LAMB4: variants seen among roughly 807,000 people sequenced by gnomAD.
The protein encoded by LAMB4 is laminin subunit beta 4.
Under a neutral mutation model 199.2 loss-of-function variants are expected in LAMB4, and 196 were observed. That is an observed-to-expected ratio of 0.98 (90% confidence interval 0.88 to 1.11). LAMB4 has a LOEUF of 1.11. Ranked by LOEUF, LAMB4 falls within the 50% of genes least tolerant of loss-of-function variation. The pLI, the probability that LAMB4 is intolerant of heterozygous loss-of-function variation, is 0.00. For synonymous variants in LAMB4, 744 were observed against 770.6 expected, an observed-to-expected ratio of 0.97 and a Z score of 0.57; for missense variants, 2,080 against 2,171.2, an observed-to-expected ratio of 0.96 and a Z score of 0.83.
intron 14 of LAMB4, among the ~76,000 whole-genome samples, chr7:108,089,376 A>G (rs570908536): frequency 9.2e-5 from 14 of 152,334 alleles, no homozygotes; most frequent in African/African-American, 3.4e-4. Context: ...TCCCTGCTGT[A>G]CCTGTGACTA....
chr7:108,081,917 T>C (rs955514343), intron 14 of LAMB4, among the ~76,000 whole-genome samples: 4 of 152,132 alleles, frequency 2.6e-5, no homozygotes, highest in Admixed American at 1.3e-4. Context: ...CAATCACCAA[T>C]GTAAAGCAAA....
At chr7:108,083,669 C>A (rs2037045806) in intron 14 of LAMB4, among the ~76,000 whole-genome samples, 2 of 152,188 alleles carry the variant, frequency 1.3e-5, no homozygotes, top group South Asian at 4.1e-4. Context: ...AGGAGATGGG[C>A]CAGCGTTCTT....
At chr7:108,073,066 C>T (rs2036586317) in intron 17 of LAMB4, among the ~76,000 whole-genome samples, 1 of 152,212 alleles carries the variant, frequency 6.6e-6, no homozygotes, top group African/African-American at 2.4e-5. Context: ...AGTACAGTGG[C>T]ACGATCTCAG....
Position 108,029,061 on chromosome 7 carries a change from T to C in LAMB4, c.5128A>G (p.Lys1710Glu), listed in dbSNP as rs769315160. Residue 1710 changes from lysine (K) to glutamate (E), a missense_variant, in exon 33 of 34, where the codon AAG (lysine) becomes GAG (glutamate). Transcript: ENST00000388781. Reference protein sequence around the residue: ...AEKLAGDTEAKIRRITDLERK... With the variant: ...AEKLAGDTEAEIRRITDLERK... ...CAGATACCTGTTATTCTTCTTATCT[T>C]GGCCTCTGTATCTCCAGCCAATTTT... 1.1e-5 allele frequency: 17 copies of C among 1,613,760 alleles called. No homozygotes were observed. The highest frequency in any genetic ancestry group is 1.4e-5 in the Non-Finnish European group (16 of 1,179,918).
chr7:108,077,024 C>T lies in LAMB4; in HGVS notation c.2044G>A (p.Val682Ile), dbSNP rs1293745449. Residue 682 changes from valine to isoleucine, a missense_variant, in exon 17 of 34, where the codon GTA (valine) becomes ATA (isoleucine). By Grantham distance (29) the Val-to-Ile change is conservative. Transcript: ENST00000388781. Reference sequence around the variant, plus strand: ...AAATAGACATCTATGGAATATTGTACATCTGGTTCTAAACAGATGGGTGTG... The same window carrying T: ...AAATAGACATCTATGGAATATTGTATATCTGGTTCTAAACAGATGGGTGTG... Reference protein sequence around the residue: ...LPTPICLEPDVQYSIDVYFSQ... With the variant: ...LPTPICLEPDIQYSIDVYFSQ... 7.4e-6 allele frequency: 12 copies of T among 1,613,992 alleles called. No individual in the cohort carries two copies. Among genetic ancestry groups the T allele is most frequent in the African/African-American group, 1.3e-5 (1 of 75,054 alleles).
At chr7:108,109,084 C>A in intron 5 of LAMB4, 87 bp downstream of exon 5, 2 of 1,010,620 alleles carry the variant, frequency 2.0e-6, no homozygotes, top group Non-Finnish European at 3.1e-6. Flanking sequence ...TTGTTCACTG[C>A]AAGGAAGCAA....
At chr7:108,112,247 T>A (rs1214241979) in intron 3 of LAMB4, among the ~76,000 whole-genome samples, 1 of 151,920 alleles carries the variant, frequency 6.6e-6, no homozygotes, top group Non-Finnish European at 1.5e-5. Context: ...ACAACTAATA[T>A]GAAGAAATAA....
intron 14 of LAMB4, among the ~76,000 whole-genome samples, chr7:108,082,436 G>A (rs112349825): frequency 3.9e-5 from 6 of 152,204 alleles, no homozygotes; most frequent in African/African-American, 1.4e-4. Context: ...GGGGAAGGGG[G>A]TATACCCATA....
At chr7:108,057,347 C>T (rs2036015917) in intron 24 of LAMB4, among the ~76,000 whole-genome samples, 2 of 152,172 alleles carry the variant, frequency 1.3e-5, no homozygotes, top group South Asian at 2.1e-4. Flanking sequence ...CCAGCAATTC[C>T]ACTTAGAAAA....
At chr7:108,027,647 G>C (rs2150480274) in intron 33 of LAMB4, among the ~76,000 whole-genome samples, 1 of 152,302 alleles carries the variant, frequency 6.6e-6, no homozygotes, top group South Asian at 2.1e-4. Context: ...ATACAACCAA[G>C]GGTAAAACTA....
the LAMB4 span, among the ~76,000 whole-genome samples, chr7:108,012,059 A>G: frequency 2.0e-5 from 3 of 150,090 alleles, no homozygotes; most frequent in Admixed American, 2.0e-4. Context: ...ATTTCTATAA[A>G]CAAAATATAA....
chr7:108,051,387 G>A (rs1030639162), intron 26 of LAMB4, among the ~76,000 whole-genome samples: 3 of 151,928 alleles, frequency 2.0e-5, no homozygotes, highest in African/African-American at 7.3e-5. Context: ...TCCTGACATG[G>A]ATTCATGTAT....
intron 28 of LAMB4, chr7:108,044,252 G>A: frequency 5.9e-6 from 1 of 170,062 alleles, no homozygotes; most frequent in Non-Finnish European, 1.2e-5. Flanking sequence ...ACCTGCCATG[G>A]TCATCACGTT....
At chr7:108,124,296 C>A (rs926885307) in intron 1 of LAMB4, among the ~76,000 whole-genome samples, 1 of 152,220 alleles carries the variant, frequency 6.6e-6, no homozygotes, top group Admixed American at 6.5e-5. Flanking sequence ...TTAATGAATT[C>A]TCTATTGGTT....
intron 8 of LAMB4, 63 bp from the exon 9 acceptor site, chr7:108,104,682 T>C (rs1487004752): frequency 6.3e-7 from 1 of 1,576,564 alleles, no homozygotes; most frequent in African/African-American, 1.4e-5. Flanking sequence ...TGGGGTTCTT[T>C]AAATGGGAAA....
intron 1 of LAMB4, among the ~76,000 whole-genome samples, chr7:108,129,799 G>T (rs1385344692): frequency 6.6e-6 from 1 of 152,176 alleles, no homozygotes; most frequent in Non-Finnish European, 1.5e-5. Context: ...AGAGGGCTGG[G>T]ATTACAGGCA....
At chr7:108,016,571 A>G in the LAMB4 span, among the ~76,000 whole-genome samples, 1 of 152,210 alleles carries the variant, frequency 6.6e-6, no homozygotes, top group African/African-American at 2.4e-5. Flanking sequence ...GGCATGAACC[A>G]CTGAGCCCAA....
At chr7:108,025,389 T>TTTCTTTCTTTCTTTCTTTCTTTCTTTC (rs1554420520) in intron 33 of LAMB4, among the ~76,000 whole-genome samples, 32 of 91,198 alleles carry the variant, frequency 3.5e-4, no homozygotes, top group African/African-American at 2.5e-3. Context: ...TTTTCTTTTC[T>TTTCTTTCTTTCTTTCTTTCTTTCTTTC]TTTCTTTCTT....
At chr7:108,029,594 T>C (rs972875179) in intron 32 of LAMB4, among the ~76,000 whole-genome samples, 17 of 151,904 alleles carry the variant, frequency 1.1e-4, no homozygotes, top group African/African-American at 3.1e-4. Flanking sequence ...ACGGAGTGAG[T>C]GATGAAGATT....
Sources: allele counts gnomAD v4.1 joint callset (sites outside exome capture counted in the v4.1 genomes callset), GRCh38; gene constraint gnomAD v4.1.1; transcripts MANE v1.5; gene names NCBI Gene and HGNC (gene_info 2026-07-23, HGNC 2026-07-21).